PCDH11X: variants seen among roughly 807,000 people sequenced by gnomAD.
PCDH11X encodes protocadherin-11 X-linked.
PCDH11X carries 18 observed loss-of-function variants against 53.3 expected under a neutral mutation model. The ratio of observed to expected loss-of-function variants is 0.34; its 90% CI spans 0.23 to 0.50. PCDH11X has a LOEUF of 0.50. PCDH11X is among the 20% of genes least tolerant of loss of function. The pLI is 0.98. For missense variants in PCDH11X, 570 were observed against 1,032.4 expected (o/e 0.55, Z 6.14); for synonymous variants, 279 against 393.3 (o/e 0.71, Z 3.44).
At chrX:92,374,630 T>C (rs1342568395) in intron 8 of PCDH11X, among the ~76,000 whole-genome samples, 1 of 111,984 alleles carries the variant, frequency 8.9e-6, no homozygotes, top group African/African-American at 3.2e-5. Context: ...TTATATTTGT[T>C]TGAAGAATGA....
At chrX:91,832,882 G>T (rs1003991106) in intron 4 of PCDH11X, among the ~76,000 whole-genome samples, 1 of 106,091 alleles carries the variant, frequency 9.4e-6, no homozygotes, top group African/African-American at 3.4e-5. Context: ...GAGTTCAGGG[G>T]TACAAGTGTA....
chrX:91,857,133 C>T (rs769028939), intron 5 of PCDH11X, among the ~76,000 whole-genome samples: 2 of 111,478 alleles, frequency 1.8e-5, no homozygotes, highest in Admixed American at 9.5e-5. Flanking sequence ...AATCATGGCA[C>T]AAGGCAAAGG....
intron 10 of PCDH11X, among the ~76,000 whole-genome samples, chrX:92,474,081 G>A (rs1323552354): frequency 1.8e-5 from 2 of 110,859 alleles, no homozygotes; most frequent in Non-Finnish European, 3.8e-5. Context: ...CTGTATTGGG[G>A]CCTATCTCTA....
chrX:92,203,022 C>CA (rs1431407741), intron 7 of PCDH11X, among the ~76,000 whole-genome samples: 1 of 109,836 alleles, frequency 9.1e-6, no homozygotes. Flanking sequence ...GACTCTGTCT[C>CA]AAAAAAAAGA....
chrX:91,865,995 C>T (rs1938967564), intron 5 of PCDH11X, among the ~76,000 whole-genome samples: 1 of 108,934 alleles, frequency 9.2e-6, no homozygotes, highest in Non-Finnish European at 1.9e-5. Context: ...CTCTGCTCCC[C>T]TGTTGCCATG....
At chrX:91,867,990 T>C (rs1341742969) in intron 5 of PCDH11X, among the ~76,000 whole-genome samples, 1 of 111,389 alleles carries the variant, frequency 9.0e-6, no homozygotes, top group African/African-American at 3.3e-5. Context: ...GGAGGTTTGA[T>C]TCTACTTGGG....
intron 6 of PCDH11X, among the ~76,000 whole-genome samples, chrX:91,917,706 C>T (rs1602491019): frequency 9.7e-6 from 1 of 103,304 alleles, no homozygotes; most frequent in East Asian, 3.1e-4. Context: ...ATCCCATGCT[C>T]GTGGATGGGT....
At chrX:92,037,530 T>C (rs982103778) in intron 6 of PCDH11X, among the ~76,000 whole-genome samples, 36 of 111,606 alleles carry the variant, frequency 3.2e-4, no homozygotes, top group Non-Finnish European at 6.2e-4. Context: ...AGTGTGCATG[T>C]ATCTTTATAG....
intron 5 of PCDH11X, among the ~76,000 whole-genome samples, chrX:91,872,056 A>T (rs1391225401): frequency 9.1e-6 from 1 of 110,194 alleles, no homozygotes; most frequent in Non-Finnish European, 1.9e-5. Context: ...CTTATATATT[A>T]TTTTCTTCCC....
intron 8 of PCDH11X, among the ~76,000 whole-genome samples, chrX:92,300,747 G>T (rs1483138833): frequency 1.8e-5 from 2 of 112,089 alleles, no homozygotes; most frequent in African/African-American, 6.5e-5. Context: ...AGAGTGCTGG[G>T]AATACAGGCA....
At chrX:92,041,353 CTGTAT>C (rs1281522004) in intron 6 of PCDH11X, among the ~76,000 whole-genome samples, 6 of 111,284 alleles carry the variant, frequency 5.4e-5, no homozygotes, top group Non-Finnish European at 9.4e-5. Flanking sequence ...CTATACTGTT[CTGTAT>C]TGTATTATTC....
At chrX:91,915,351 C>T (rs1390255675) in intron 6 of PCDH11X, among the ~76,000 whole-genome samples, 2 of 107,297 alleles carry the variant, frequency 1.9e-5, no homozygotes, top group Admixed American at 1.0e-4. Flanking sequence ...AATACTAACA[C>T]TGAAAGTGAA....
At chrX:92,403,357 T>TTTTTTTTTTTTTC (rs2071436991) in intron 9 of PCDH11X, among the ~76,000 whole-genome samples, 1 of 98,637 alleles carries the variant, frequency 1.0e-5, no homozygotes, top group Non-Finnish European at 2.0e-5. Flanking sequence ...TTTTTTTTTT[T>TTTTTTTTTTTTTC]TTTGTAGAAT....
At chrX:91,945,849 A>C (rs1446604744) in intron 6 of PCDH11X, among the ~76,000 whole-genome samples, 4 of 110,094 alleles carry the variant, frequency 3.6e-5, no homozygotes, top group Admixed American at 2.9e-4. Context: ...GACTTTCTAT[A>C]CCCTACTTCT....
intron 6 of PCDH11X, among the ~76,000 whole-genome samples, chrX:92,048,130 A>T (rs2063317787): frequency 9.1e-6 from 1 of 110,270 alleles, no homozygotes; most frequent in Non-Finnish European, 1.9e-5. Flanking sequence ...AGAAGAAATG[A>T]CCAGTAGTCT....
intron 7 of PCDH11X, among the ~76,000 whole-genome samples, chrX:92,248,592 ATCT>A (rs1369065437): frequency 1.8e-5 from 2 of 111,817 alleles, no homozygotes; most frequent in East Asian, 2.8e-4. Context: ...AACATTCCAA[ATCT>A]TCTAGATATT....
chrX:91,849,201 C>T (rs1276635917), intron 5 of PCDH11X, among the ~76,000 whole-genome samples: 1 of 111,542 alleles, frequency 9.0e-6, no homozygotes, highest in Non-Finnish European at 1.9e-5. Context: ...AGTCCACATT[C>T]AATTTTAGAG....
In PCDH11X at chrX:92,443,971, C is replaced by A. The variant is rs778579297; in HGVS notation, c.3344-24328C>A. The stretch of plus-strand genomic sequence containing the variant: ...TTAAAGTCAGATAATGTGATGCCTC[C>A]AGTATTTTTCTTTTAGCTTAACATA... On this transcript the variant is annotated intron_variant, in intron 9 of 10. Transcript: ENST00000682573. 1.5e-4 allele frequency among the ~76,000 whole-genome samples: 16 copies of A among 110,294 alleles called. No individual in the cohort carries two copies. In the East Asian group the frequency reaches 4.3e-3, roughly 30 times the overall value.
intron 6 of PCDH11X, among the ~76,000 whole-genome samples, chrX:91,950,725 A>C (rs1363623913): frequency 9.1e-6 from 1 of 109,799 alleles, no homozygotes; most frequent in African/African-American, 3.3e-5. Flanking sequence ...TTAGGTAAAC[A>C]GCTATAAATT....
Sources: gnomAD v4.1 joint callset for allele counts (sites outside exome capture counted in the v4.1 genomes callset) on GRCh38, gnomAD v4.1.1 for gene constraint, MANE v1.5 for transcripts, NCBI Gene and HGNC (gene_info 2026-07-23, HGNC 2026-07-21) for gene names.